The following WHRN variants were observed in gnomAD, a reference collection of about 807,000 sequenced individuals.
The protein encoded by WHRN is whirlin.
In WHRN, 41 loss-of-function variants were observed where a neutral mutation model predicts 68.3. The ratio of observed to expected loss-of-function variants is 0.60; its 90% CI spans 0.47 to 0.78. The LOEUF (loss-of-function observed/expected upper bound fraction) is 0.78, where lower values mean the gene tolerates loss of function less well. Among genes scored for constraint, WHRN ranks in the 30% least tolerant of loss-of-function variants. The pLI is 0.00. For missense variants in WHRN, 1,243 were observed against 1,244.7 expected, an observed-to-expected ratio of 1.00 and a Z score of 0.02; for synonymous variants, 560 against 561.3, an observed-to-expected ratio of 1.00 and a Z score of 0.03.
intron 3 of WHRN, among the ~76,000 whole-genome samples, chr9:114,441,928 C>T (rs1205312684): frequency 6.6e-6 from 1 of 152,146 alleles, no homozygotes; most frequent in East Asian, 1.9e-4. Flanking sequence ...ACATTACTTA[C>T]CCAAGTGATC....
At chr9:114,455,296 G>A (rs1839685399) in intron 3 of WHRN, among the ~76,000 whole-genome samples, 1 of 152,116 alleles carries the variant, frequency 6.6e-6, no homozygotes, top group Non-Finnish European at 1.5e-5. Context: ...TCGGCTCACT[G>A]CAGCCTCTAC....
At chr9:114,481,457 G>C (rs1842087823) in intron 1 of WHRN, among the ~76,000 whole-genome samples, 1 of 152,222 alleles carries the variant, frequency 6.6e-6, no homozygotes. Flanking sequence ...GAAGAGGCAG[G>C]ATGGAGAAAG....
chr9:114,498,185 G>C (rs1843623489), intron 1 of WHRN, among the ~76,000 whole-genome samples: 1 of 152,194 alleles, frequency 6.6e-6, no homozygotes, highest in African/African-American at 2.4e-5. Context: ...GGGAGCTGGG[G>C]ATGCGTGAAT....
intron 3 of WHRN, among the ~76,000 whole-genome samples, chr9:114,443,613 A>G (rs1564160546): frequency 6.6e-6 from 1 of 152,220 alleles, no homozygotes; most frequent in Non-Finnish European, 1.5e-5. Context: ...CCAGCTGAAT[A>G]GGAGCTTTTA....
In WHRN at chr9:114,486,991, A is replaced by G. The variant is rs180836947; in HGVS notation, c.619-8220T>C. Among the ~76,000 whole-genome samples, 19 of 6,794 alleles carry G rather than the reference A, an allele frequency of 2.8e-3. 2 individuals carry two copies. The highest frequency in any genetic ancestry group is 3.7e-3 in the African/African-American group (19 of 5,150). 4.5% of individuals were successfully genotyped at this position (6,794 alleles called of 152,430 possible). On this transcript the variant is annotated intron_variant, in intron 1 of 11. Coordinates refer to ENST00000362057, the MANE Select transcript of WHRN (RefSeq NM_015404.4). ...TATATATATATATATATATATATAT[A>G]TATATATATATATATATAATATATA...
chr9:114,425,107 G>A, intron 4 of WHRN, 83 bp from the exon 5 acceptor site: 1 of 1,402,618 alleles, frequency 7.1e-7, no homozygotes, highest in Non-Finnish European at 1.0e-6. Context: ...ACTTGGGGCA[G>A]GAAGAGCAAA....
rs566416844 is a variant in WHRN, at chr9:114,479,879, A to G, written c.619-1108T>C. ...GGAGTTCAAAACCACCCTGGCCAAC[A>G]TGGCAAAATCCTGTCTCTACTAAAA... On this transcript the variant is annotated intron_variant, in intron 1 of 11. Coordinates refer to ENST00000362057, the MANE Select transcript of WHRN (RefSeq NM_015404.4). Among the ~76,000 whole-genome samples the G allele has an allele frequency of 1.9e-4, 29 of 152,186 alleles. 1 individual carries two copies. The South Asian group carries it at 3.5e-3, about 18-fold the overall frequency.
At chr9:114,466,235 CAG>C (rs761399992) in intron 3 of WHRN, 30 bp downstream of exon 3, 11 of 1,613,302 alleles carry the variant, frequency 6.8e-6, no homozygotes, top group Middle Eastern at 3.3e-4. Flanking sequence ...GCTCCATGCA[CAG>C]AGTTTTCCCT....
intron 1 of WHRN, among the ~76,000 whole-genome samples, chr9:114,486,977 ATATATATATATATATATATATATATAT>A (rs1842587612): frequency 7.9e-4 from 2 of 2,516 alleles, no homozygotes; most frequent in South Asian, 0.091. Context: ...ATATATATAT[ATATATATATATATATATATATATATAT>A]ATATAATATA....
chr9:114,451,075 G>A (rs978441116), intron 3 of WHRN, among the ~76,000 whole-genome samples: 4 of 152,194 alleles, frequency 2.6e-5, no homozygotes, highest in Non-Finnish European at 5.9e-5. Flanking sequence ...GTGTACAGGC[G>A]CACTAATGAA....
chr9:114,409,235 G>A (rs919393361), intron 7 of WHRN, among the ~76,000 whole-genome samples: 1 of 123,406 alleles, frequency 8.1e-6, no homozygotes, highest in Non-Finnish European at 1.9e-5. Context: ...AAGGGGCTGG[G>A]GACACAGAGG....
At chr9:114,470,356 C>T (rs562473055) in intron 2 of WHRN, among the ~76,000 whole-genome samples, 4 of 152,188 alleles carry the variant, frequency 2.6e-5, no homozygotes, top group African/African-American at 7.2e-5. Context: ...CACAGGACAG[C>T]GTGCAGCCCC....
Position 114,504,994 on chromosome 9 carries a change from G to A in WHRN, c.-193C>T. 3 of 791,752 alleles carry A rather than the reference G, an allele frequency of 3.8e-6. No individual in the cohort carries two copies. The highest frequency in any genetic ancestry group is 4.3e-5 in the South Asian group (1 of 23,286). The allele number at this position is 791,752 out of a possible 1,614,324, so 49.0% of individuals were successfully genotyped here. A position where few individuals can be genotyped will look rare whatever the true frequency, so the allele number is the denominator to read the frequency against. On this transcript the variant is annotated 5_prime_UTR_variant, in exon 1 of 12. Coordinates refer to ENST00000362057, the MANE Select transcript of WHRN (RefSeq NM_015404.4). ...ACCGCTGCTAGAGTCCCGGAGGCGC[G>A]AAGACGGCGGGGGTCGCGAACCTGG...
At chr9:114,451,426 G>A (rs1272035625) in intron 3 of WHRN, among the ~76,000 whole-genome samples, 2 of 152,156 alleles carry the variant, frequency 1.3e-5, no homozygotes, top group Admixed American at 6.5e-5. Context: ...CCAAGAGGAC[G>A]GAGCAAGATG....
chr9:114,415,250 A>C (rs1345703364), intron 7 of WHRN, among the ~76,000 whole-genome samples: 3 of 150,378 alleles, frequency 2.0e-5, no homozygotes, highest in Non-Finnish European at 3.0e-5. Flanking sequence ...GTAGTGAGCT[A>C]CCCCAACAGA....
chr9:114,448,493 TC>T (rs1564166205), intron 3 of WHRN, among the ~76,000 whole-genome samples: 1 of 152,088 alleles, frequency 6.6e-6, no homozygotes, highest in Non-Finnish European at 1.5e-5. Context: ...AAGGGCCTAG[TC>T]CCCTCTCCCC....
At chr9:114,503,245 G>C (rs1844088090) in intron 1 of WHRN, 2 of 952,968 alleles carry the variant, frequency 2.1e-6, no homozygotes, top group Non-Finnish European at 2.5e-6. Context: ...TTACAGAACA[G>C]TCCAACCCCC....
intron 2 of WHRN, among the ~76,000 whole-genome samples, chr9:114,471,165 G>A (rs1841188643): frequency 1.3e-5 from 2 of 152,178 alleles, no homozygotes; most frequent in South Asian, 2.1e-4. Flanking sequence ...ACTGTGAGAA[G>A]CAGCCGGGCC....
chr9:114,408,048 A>G (rs747103149), intron 7 of WHRN, 30 bp from the exon 8 acceptor site: 1 of 1,562,054 alleles, frequency 6.4e-7, no homozygotes, highest in Admixed American at 1.8e-5. Context: ...CAAAGTGAGC[A>G]AACAGAAGCT....
Sources: gnomAD v4.1 joint callset for allele counts (sites outside exome capture counted in the v4.1 genomes callset) on GRCh38, gnomAD v4.1.1 for gene constraint, MANE v1.5 for transcripts, NCBI Gene and HGNC (gene_info 2026-07-23, HGNC 2026-07-21) for gene names.